Variants in CASK observed in about 807,000 individuals in gnomAD.
The protein encoded by CASK is peripheral plasma membrane protein CASK.
Under a neutral mutation model 82.9 loss-of-function variants are expected in CASK, and 4 were observed. The ratio of observed to expected loss-of-function variants is 0.05; its 90% CI spans 0.02 to 0.11. The LOEUF (loss-of-function observed/expected upper bound fraction) is 0.11, where lower values mean the gene tolerates loss of function less well. Ranked by LOEUF, CASK falls within the 10% of genes least tolerant of loss-of-function variation. The pLI is 1.00. For missense variants in CASK, 358 were observed against 720.9 expected (o/e 0.50, Z 5.76); for synonymous variants, 259 against 253.5 (o/e 1.02, Z -0.20).
chrX:41,538,865 G>A (rs905544325), intron 22 of CASK, among the ~76,000 whole-genome samples: 1 of 111,595 alleles, frequency 9.0e-6, no homozygotes, highest in African/African-American at 3.3e-5. Context: ...TTGAATGCCC[G>A]CAGGGGTCAG....
intron 21 of CASK, among the ~76,000 whole-genome samples, chrX:41,543,278 A>T (rs1020627232): frequency 1.8e-5 from 2 of 112,365 alleles, no homozygotes; most frequent in Non-Finnish European, 3.8e-5. Context: ...ATTTGCCCCA[A>T]ATCACACAGC....
At chrX:41,706,523 CTT>C (rs775744512) in intron 5 of CASK, among the ~76,000 whole-genome samples, 3 of 111,617 alleles carry the variant, frequency 2.7e-5, no homozygotes, top group Non-Finnish European at 3.8e-5. Context: ...GAGCAACAGA[CTT>C]TTCTTCTGGT....
chrX:41,526,228 C>A (rs2998249), intron 25 of CASK, among the ~76,000 whole-genome samples: 1,938 of 111,129 alleles, frequency 0.017, 33 homozygotes, highest in Non-Finnish European at 0.027. Context: ...TTCTCATCAC[C>A]CCTACTCCCG....
intron 1 of CASK, among the ~76,000 whole-genome samples, chrX:41,866,171 G>A (rs191127859): frequency 1.8e-3 from 201 of 112,781 alleles, no homozygotes; most frequent in African/African-American, 6.1e-3. Context: ...GTAGAGCAGT[G>A]GGTGGGAGGG....
rs2069903526 is a variant in CASK at position 41,798,184 on chromosome X, T to G, written c.173-10901A>C. On this transcript the variant is annotated intron_variant, in intron 2 of 26. Transcript: ENST00000378163. ...TTATTCAGGGGTAATTTTATTAGGT[T>G]AAATGATCACAATTCCAAAAGCAGC... is the stretch of plus-strand genomic sequence containing the variant. Among the ~76,000 whole-genome samples, 7 of 112,244 alleles carry G rather than the reference T, an allele frequency of 6.2e-5. No individual in the cohort carries two copies. In the South Asian group the frequency reaches 2.6e-3, roughly 42 times the overall value.
intron 2 of CASK, among the ~76,000 whole-genome samples, chrX:41,789,898 A>G (rs1471985973): frequency 1.8e-5 from 2 of 110,808 alleles, no homozygotes; most frequent in Admixed American, 1.9e-4. Context: ...TTTTCAGCTT[A>G]TTTTCTATTT....
chrX:41,819,453 T>C (rs2070484287), intron 2 of CASK, among the ~76,000 whole-genome samples: 2 of 111,726 alleles, frequency 1.8e-5, no homozygotes, highest in South Asian at 3.7e-4. Context: ...AGAAATTACA[T>C]GTATAATTTA....
chrX:41,663,231 C>T (rs1324828985), intron 7 of CASK, among the ~76,000 whole-genome samples: 1 of 111,741 alleles, frequency 8.9e-6, no homozygotes, highest in Non-Finnish European at 1.9e-5. Flanking sequence ...AAAATAAATG[C>T]TGACAGAATC....
intron 5 of CASK, among the ~76,000 whole-genome samples, chrX:41,714,890 G>A (rs1055346000): frequency 1.8e-5 from 2 of 111,999 alleles, no homozygotes; most frequent in East Asian, 5.6e-4. Context: ...TCCTCCCTGG[G>A]AAGTGCAAAG....
At chrX:41,641,156 T>C (rs192513782) in intron 8 of CASK, among the ~76,000 whole-genome samples, 21 of 110,408 alleles carry the variant, frequency 1.9e-4, no homozygotes, top group Admixed American at 3.9e-4. Context: ...CGGCTAATTT[T>C]TGTATTTTTA....
At chrX:41,851,090 G>A (rs1325229353) in intron 2 of CASK, among the ~76,000 whole-genome samples, 2 of 111,823 alleles carry the variant, frequency 1.8e-5, no homozygotes, top group Non-Finnish European at 3.8e-5. Context: ...ATTTTCACTT[G>A]AATACCACTA....
At chrX:41,638,225 C>A (rs2066591906) in intron 8 of CASK, among the ~76,000 whole-genome samples, 1 of 110,255 alleles carries the variant, frequency 9.1e-6, no homozygotes, top group Admixed American at 9.7e-5. Context: ...TGGAATAAGG[C>A]AAAAAAGTAA....
At chrX:41,734,379 A>G (rs1216665417) in intron 5 of CASK, among the ~76,000 whole-genome samples, 2 of 111,619 alleles carry the variant, frequency 1.8e-5, no homozygotes, top group Admixed American at 1.9e-4. Flanking sequence ...TGCTTAGTAG[A>G]GCCCATGAAA....
At chrX:41,757,171 G>A (rs750876860) in intron 3 of CASK, among the ~76,000 whole-genome samples, 1 of 111,980 alleles carries the variant, frequency 8.9e-6, no homozygotes, top group South Asian at 3.7e-4. Context: ...GATAAATGCT[G>A]TAATCCTTGC....
At chrX:41,844,999 C>G (rs769480884) in intron 2 of CASK, among the ~76,000 whole-genome samples, 1 of 111,476 alleles carries the variant, frequency 9.0e-6, no homozygotes, top group South Asian at 3.7e-4. Context: ...AATTTGCTTC[C>G]GTTATTGATT....
At chrX:41,622,725 C>A in intron 10 of CASK, 91 bp from the exon 11 acceptor site, 1 of 720,008 alleles carries the variant, frequency 1.4e-6, no homozygotes, top group Non-Finnish European at 2.1e-6. Flanking sequence ...ACTACATGAG[C>A]CACCAGAAGC....
chrX:41,576,247 A>G (rs973263358), intron 15 of CASK, among the ~76,000 whole-genome samples: 3 of 111,201 alleles, frequency 2.7e-5, no homozygotes, highest in African/African-American at 9.8e-5. Context: ...TGCTGGGATT[A>G]CAGGTGTGAG....
At chrX:41,781,409 G>GT (rs1217475048) in intron 3 of CASK, among the ~76,000 whole-genome samples, 6 of 112,674 alleles carry the variant, frequency 5.3e-5, no homozygotes. Flanking sequence ...ATGCTGTTTT[G>GT]TCTAGCCTTT....
chrX:41,734,898 T>C (rs1156546458), intron 5 of CASK, among the ~76,000 whole-genome samples: 1 of 112,011 alleles, frequency 8.9e-6, no homozygotes, highest in Non-Finnish European at 1.9e-5. Context: ...TTGCTTTTTA[T>C]GCAGTTTTAT....
Sources: allele counts gnomAD v4.1 joint callset (sites outside exome capture counted in the v4.1 genomes callset), GRCh38; gene constraint gnomAD v4.1.1; transcripts MANE v1.5; gene names NCBI Gene and HGNC (gene_info 2026-07-23, HGNC 2026-07-21).